The following SLC4A5 variants were observed in gnomAD, a reference collection of about 807,000 sequenced individuals.
SLC4A5 encodes the protein electrogenic sodium bicarbonate cotransporter 4.
A neutral mutation model predicts 120.4 loss-of-function variants in SLC4A5; 96 were observed. That is an observed-to-expected ratio of 0.80 (90% confidence interval 0.68 to 0.94). The LOEUF (loss-of-function observed/expected upper bound fraction) is 0.94. SLC4A5 is among the 40% of genes least tolerant of loss of function. The pLI, the probability that SLC4A5 is intolerant of heterozygous loss-of-function variation, is 0.00. For synonymous variants in SLC4A5, 550 were observed against 571.1 expected (o/e 0.96, Z 0.53); for missense variants, 1,259 against 1,459.5 (o/e 0.86, Z 2.24).
At chr2:74,282,967 T>C (rs934102082) in intron 8 of SLC4A5, among the ~76,000 whole-genome samples, 5 of 152,182 alleles carry the variant, frequency 3.3e-5, no homozygotes, top group African/African-American at 1.2e-4. Context: ...TAAGACATAA[T>C]AACCCAGGGT....
At chr2:74,250,388 C>T (rs375482309) in exon 17 of SLC4A5, 139 of 1,613,990 alleles carry the variant, frequency 8.6e-5, no homozygotes, top group Non-Finnish European at 1.2e-4. Context: ...CAAAGGTGAT[C>T]GCGTTGGTGA....
At chr2:74,267,421 T>C (rs1671339677) in intron 8 of SLC4A5, among the ~76,000 whole-genome samples, 1 of 152,240 alleles carries the variant, frequency 6.6e-6, no homozygotes, top group African/African-American at 2.4e-5. Flanking sequence ...GAAGCATGAT[T>C]ACATCAATTC....
chr2:74,304,702 C>T, intron 6 of SLC4A5, 22 bp from the exon 7 acceptor site: 6 of 1,586,392 alleles, frequency 3.8e-6, no homozygotes, highest in Non-Finnish European at 5.1e-6. Flanking sequence ...GCACAAAAGA[C>T]AGGGGAGGCA....
intron 5 of SLC4A5, among the ~76,000 whole-genome samples, chr2:74,324,549 A>T (rs1043523982): frequency 6.6e-6 from 1 of 152,334 alleles, no homozygotes; most frequent in East Asian, 1.9e-4. Flanking sequence ...TCCAGGGACC[A>T]CATTTAAAAC....
intron 29 of SLC4A5, among the ~76,000 whole-genome samples, chr2:74,222,256 T>C (rs911630998): frequency 2.0e-5 from 3 of 151,940 alleles, no homozygotes; most frequent in Non-Finnish European, 2.9e-5. Flanking sequence ...TGAAACAACA[T>C]AGAAGAGGGC....
chr2:74,287,579 C>G (rs764282180), intron 7 of SLC4A5, among the ~76,000 whole-genome samples: 3 of 152,162 alleles, frequency 2.0e-5, no homozygotes, highest in African/African-American at 2.4e-5. Flanking sequence ...TTCCCCTCAG[C>G]AAGTCTCAAG....
intron 4 of SLC4A5, among the ~76,000 whole-genome samples, chr2:74,330,846 GT>G (rs1673343323): frequency 6.5e-5 from 8 of 123,346 alleles, no homozygotes; most frequent in Admixed American, 1.6e-4. Context: ...GGTGTATGGT[GT>G]AGGTGTAGGT....
chr2:74,222,723 C>A, intron 29 of SLC4A5, 145 bp downstream of exon 29: 1 of 715,714 alleles, frequency 1.4e-6, no homozygotes, highest in Non-Finnish European at 2.5e-6. Flanking sequence ...TTGCACAAAA[C>A]TTGTCCCTTA....
At chr2:74,225,414 G>A (rs1467851753) in intron 27 of SLC4A5, among the ~76,000 whole-genome samples, 4 of 152,146 alleles carry the variant, frequency 2.6e-5, no homozygotes, top group Non-Finnish European at 5.9e-5. Context: ...TGGCCAACAT[G>A]GTGAAACCCT....
exon 30 of SLC4A5, chr2:74,221,447 C>T (rs1432325301): frequency 2.5e-6 from 4 of 1,613,122 alleles, no homozygotes; most frequent in Non-Finnish European, 3.4e-6. Context: ...CGGTCAAGTT[C>T]TGTGTCACTG....
At chr2:74,261,652 G>A (rs113992029) in intron 11 of SLC4A5, among the ~76,000 whole-genome samples, 11 of 151,930 alleles carry the variant, frequency 7.2e-5, no homozygotes, top group South Asian at 4.2e-4. Context: ...CCCACACCCC[G>A]CCCCCTACCA....
intron 28 of SLC4A5, 23 bp downstream of exon 28, chr2:74,224,817 C>T (rs768126471): frequency 4.4e-6 from 7 of 1,599,626 alleles, no homozygotes; most frequent in East Asian, 2.2e-5. Flanking sequence ...CTCCTCTGTG[C>T]CCCGGCCTCA....
chr2:74,323,627 G>C (rs1404371585), intron 5 of SLC4A5, among the ~76,000 whole-genome samples: 1 of 152,052 alleles, frequency 6.6e-6, no homozygotes, highest in Non-Finnish European at 1.5e-5. Flanking sequence ...GGGGATTTTA[G>C]AACAACTCAA....
At chr2:74,326,675 C>T (rs774062035) in intron 5 of SLC4A5, among the ~76,000 whole-genome samples, 4 of 152,042 alleles carry the variant, frequency 2.6e-5, no homozygotes, top group African/African-American at 9.7e-5. Flanking sequence ...AAAAATTAGC[C>T]GAGTGTGGTG....
At position 74,250,321 on chromosome 2, in the gene SLC4A5, CAG is replaced by C. The variant is rs773683272; in HGVS notation, c.1653+20_1653+21del. On this transcript the variant is annotated intron_variant, in intron 17 of 30. Transcript: ENST00000394019. ...TGGCGGCAGATCTTACTTTTACACT[CAG>C]GGCACCGGCTCGCACACACCTGATA... The C allele has an allele frequency of 1.4e-5, 22 of 1,607,136 alleles. No homozygotes were observed. The East Asian group carries it at 2.0e-4, about 15-fold the overall frequency.
chr2:74,246,288 T>C (rs1192888518), intron 19 of SLC4A5, among the ~76,000 whole-genome samples: 1 of 152,188 alleles, frequency 6.6e-6, no homozygotes, highest in Non-Finnish European at 1.5e-5. Context: ...AGTGTCCAAG[T>C]AACTTGCTAC....
chr2:74,326,454 TC>T (rs1315276402), intron 5 of SLC4A5, among the ~76,000 whole-genome samples: 1 of 152,196 alleles, frequency 6.6e-6, no homozygotes, highest in Non-Finnish European at 1.5e-5. Flanking sequence ...AAAGTCACTT[TC>T]CATTTCATTG....
At chr2:74,243,133 C>T (rs1170343061) in intron 19 of SLC4A5, among the ~76,000 whole-genome samples, 1 of 152,204 alleles carries the variant, frequency 6.6e-6, no homozygotes, top group Non-Finnish European at 1.5e-5. Context: ...CTGGGTACTT[C>T]CCTACCCTGG....
intron 7 of SLC4A5, among the ~76,000 whole-genome samples, chr2:74,298,187 T>C (rs1481424838): frequency 1.3e-5 from 2 of 152,210 alleles, no homozygotes; most frequent in Non-Finnish European, 2.9e-5. Flanking sequence ...TACAAAGCTA[T>C]AGTAATCTAA....
Sources: gnomAD v4.1 joint callset for allele counts (sites outside exome capture counted in the v4.1 genomes callset) on GRCh38, gnomAD v4.1.1 for gene constraint, MANE v1.5 for transcripts, NCBI Gene and HGNC (gene_info 2026-07-23, HGNC 2026-07-21) for gene names.